Variants in WBP11 observed in about 807,000 individuals in gnomAD.
WBP11 encodes the protein WW domain-binding protein 11.
WBP11 carries 12 observed loss-of-function variants against 66.7 expected under a neutral mutation model. That is an observed-to-expected ratio of 0.18 (90% CI 0.12 to 0.29). The LOEUF is 0.29. Among genes scored for constraint, WBP11 ranks in the 10% least tolerant of loss-of-function variants. The probability of loss-of-function intolerance (pLI) is 1.00; values close to 1 mark genes in which losing one functional copy is unlikely to be tolerated. For synonymous variants in WBP11, 255 were observed against 273.8 expected (o/e 0.93, Z 0.68); for missense variants, 555 against 818.3 (o/e 0.68, Z 3.93).
intron 8 of WBP11, among the ~76,000 whole-genome samples, chr12:14,793,350 T>C (rs1949845489): frequency 1.3e-5 from 2 of 152,184 alleles, no homozygotes; most frequent in South Asian, 4.1e-4. Flanking sequence ...TAAGATACCA[T>C]AAAAGGGCTT....
At chr12:14,791,330 A>C (rs1949819328) in intron 8 of WBP11, 60 bp from the exon 9 acceptor site, 1 of 1,383,988 alleles carries the variant, frequency 7.2e-7, no homozygotes, top group South Asian at 1.2e-5. Flanking sequence ...GTAAATGTTT[A>C]CTACGTAGCA....
chr12:14,795,746 CA>C (rs958983468), intron 5 of WBP11, among the ~76,000 whole-genome samples: 24 of 151,320 alleles, frequency 1.6e-4, no homozygotes, highest in Non-Finnish European at 3.4e-4. Flanking sequence ...AAAAAATAAA[CA>C]AAAAAAAGAA....
At chr12:14,790,324 A>AATCCTTCAC in intron 10 of WBP11, 132 bp downstream of exon 10, 1 of 1,233,380 alleles carries the variant, frequency 8.1e-7, no homozygotes, top group Non-Finnish European at 1.1e-6. Flanking sequence ...GTCCTTTGAG[A>AATCCTTCAC]ATCCTTCACA....
chr12:14,790,334 A>C (rs987003551), intron 10 of WBP11, 122 bp downstream of exon 10: 13 of 1,304,456 alleles, frequency 1.0e-5, no homozygotes, highest in Non-Finnish European at 1.4e-5. Context: ...AATCCTTCAC[A>C]TCTTAAGAGA....
At chr12:14,790,969 C>G (rs1045636174) in intron 9 of WBP11, among the ~76,000 whole-genome samples, 200 bp downstream of exon 9, 2 of 152,124 alleles carry the variant, frequency 1.3e-5, no homozygotes, top group Non-Finnish European at 2.9e-5. Context: ...CCAGACAGAC[C>G]AATATTTAAA....
chr12:14,796,167 C>T lies in WBP11; in HGVS notation c.387+640G>A, dbSNP rs1949892196. On this transcript the variant is annotated intron_variant, in intron 5 of 11. Coordinates refer to ENST00000261167, the MANE Select transcript of WBP11 (RefSeq NM_016312.3). This position sits in a 1 kb window ranked among gnomAD's most constrained non-coding sequence, Gnocchi z 4.5. ...TTAGCATGTTTTTGAGATTTACTCA[C>T]AATTTTTCTTTTTTTATTCCATGCT... Among the ~76,000 whole-genome samples the T allele has an allele frequency of 6.6e-6, 1 of 152,028 alleles. No homozygotes were observed. The highest frequency in any genetic ancestry group is 1.5e-5 in the Non-Finnish European group (1 of 68,014).
rs753290080 is a variant in WBP11 at position 14,787,466 on chromosome 12, G to T, written c.1525C>A (p.Pro509Thr). The T allele has an allele frequency of 8.6e-6, 13 of 1,520,410 alleles. No individual in the cohort carries two copies. The highest frequency in any genetic ancestry group is 1.1e-5 in the Non-Finnish European group (12 of 1,134,000). The allele number at this position is 1,520,410 out of a possible 1,614,324, so 94.2% of individuals were successfully genotyped here. Reference sequence around the variant, plus strand: ...GGTCCAAGGGGAGGCACCAAAGGTGGGCGCATCATGCCAGGACGAGGTGGA... The same window carrying T: ...GGTCCAAGGGGAGGCACCAAAGGTGTGCGCATCATGCCAGGACGAGGTGGA... ...IPPPRPGMMR[P>T]PLVPPLGPAP... is the part of the protein sequence containing the mutation. The change falls in exon 12 of 12, where the codon CCA (proline) becomes ACA (threonine). Residue 509 changes from proline to threonine, a missense_variant. Around this residue, in one of 6 missense-constraint regions of WBP11, gnomAD observed 230 missense variants for 286.3 expected, o/e 0.80. Transcript: ENST00000261167.
At chr12:14,802,015 C>CA (rs1471734586) in intron 1 of WBP11, 2 of 152,254 alleles carry the variant, frequency 1.3e-5, no homozygotes, top group East Asian at 3.9e-4. Flanking sequence ...GCTTGACTCT[C>CA]AAGAGTTCAA....
chr12:14,793,233 G>A (rs1949842867), intron 8 of WBP11, among the ~76,000 whole-genome samples: 2 of 152,090 alleles, frequency 1.3e-5, no homozygotes, highest in South Asian at 2.1e-4. Flanking sequence ...CTTGACAAAT[G>A]TCCTATTTGA....
At chr12:14,791,063 T>C (rs1457596151) in intron 9 of WBP11, 106 bp downstream of exon 9, 1 of 1,119,468 alleles carries the variant, frequency 8.9e-7, no homozygotes, top group East Asian at 2.5e-5. Flanking sequence ...AACAAGGACT[T>C]ATTACTTACT....
intron 3 of WBP11, among the ~76,000 whole-genome samples, 159 bp from the exon 4 acceptor site, chr12:14,799,887 C>T (rs972122847): frequency 6.6e-6 from 1 of 152,186 alleles, no homozygotes; most frequent in African/African-American, 2.4e-5. Context: ...AATGTTTACA[C>T]TTGTCAAAAA....
At chr12:14,795,599 G>C (rs1056405973) in intron 5 of WBP11, among the ~76,000 whole-genome samples, 1 of 152,112 alleles carries the variant, frequency 6.6e-6, no homozygotes, top group African/African-American at 2.4e-5. Flanking sequence ...TTGTGGTGGC[G>C]TGTGCCTGTA....
intron 11 of WBP11, among the ~76,000 whole-genome samples, chr12:14,788,235 G>A (rs962127349): frequency 1.3e-5 from 2 of 152,016 alleles, no homozygotes; most frequent in Non-Finnish European, 2.9e-5. Context: ...ATGAAACTCC[G>A]TCTCAAAGAA....
chr12:14,791,410 G>A, intron 8 of WBP11, 140 bp from the exon 9 acceptor site: 1 of 569,240 alleles, frequency 1.8e-6, no homozygotes, highest in South Asian at 2.5e-5. Flanking sequence ...CTATACTAAT[G>A]ATACGAACAC....
intron 3 of WBP11, among the ~76,000 whole-genome samples, chr12:14,800,192 T>C (rs1751618593): frequency 6.6e-6 from 1 of 152,132 alleles, no homozygotes. Context: ...AAATCTGTGT[T>C]GCTTCAATGT....
intron 3 of WBP11, among the ~76,000 whole-genome samples, chr12:14,800,220 T>A (rs1949943881): frequency 6.6e-6 from 1 of 152,130 alleles, no homozygotes; most frequent in Admixed American, 6.6e-5. Flanking sequence ...TATAATACTA[T>A]AAAGCACAAT....
intron 1 of WBP11, chr12:14,801,763 C>A (rs1010100630): frequency 5.8e-6 from 1 of 172,154 alleles, no homozygotes; most frequent in Admixed American, 5.7e-5. Flanking sequence ...TGGCACAAAC[C>A]ATGAACATCA....
rs773946368 is a variant in WBP11, at chr12:14,800,887, T to C, written c.65-104A>G. The C allele has an allele frequency of 3.4e-4, 343 of 996,634 alleles. 3 individuals are homozygous for C. The highest frequency in any genetic ancestry group is 9.2e-4 in the Middle Eastern group (3 of 3,248). 61.7% of individuals were successfully genotyped at this position (996,634 alleles called of 1,614,324 possible). A position where few individuals can be genotyped will look rare whatever the true frequency, so the allele number is the denominator to read the frequency against. On this transcript the variant is annotated intron_variant, in intron 2 of 11. Coordinates refer to ENST00000261167, the MANE Select transcript of WBP11 (RefSeq NM_016312.3). The stretch of plus-strand genomic sequence containing the variant: ...TTCTTTATTGTGGAAAGTTACAGTA[T>C]GCACTGTAAAAGAGCAGCATCTTTG...
chr12:14,797,102 T>C (rs923095950), intron 4 of WBP11, 99 bp from the exon 5 acceptor site: 1 of 917,186 alleles, frequency 1.1e-6, no homozygotes, highest in East Asian at 2.9e-5. Flanking sequence ...GCTAAAAAAT[T>C]TTTAAGAGAT....
Sources: allele counts gnomAD v4.1 joint callset (sites outside exome capture counted in the v4.1 genomes callset), GRCh38; gene constraint gnomAD v4.1.1; regional missense constraint gnomAD v4.1.1; non-coding constraint Gnocchi (gnomAD v3.1); transcripts MANE v1.5; gene names NCBI Gene and HGNC (gene_info 2026-07-23, HGNC 2026-07-21).